The following ZDHHC2 variants were observed in gnomAD, a reference collection of about 807,000 sequenced individuals.
ZDHHC2 encodes the protein zDHHC palmitoyltransferase 2.
Under a neutral mutation model 55.6 loss-of-function variants are expected in ZDHHC2, and 51 were observed. The observed-to-expected ratio is 0.92, with a 90% CI of 0.73 to 1.16. The LOEUF (loss-of-function observed/expected upper bound fraction) is 1.16. Ranked by LOEUF, ZDHHC2 falls within the 50% of genes most tolerant of loss-of-function variation. The pLI is 0.00. For missense variants in ZDHHC2, 491 were observed against 442.4 expected (o/e 1.11, Z -0.99); for synonymous variants, 199 against 152.9 (o/e 1.30, Z -2.22).
intron 1 of ZDHHC2, among the ~76,000 whole-genome samples, chr8:17,161,099 C>G (rs1348377533): frequency 6.6e-6 from 1 of 152,066 alleles, no homozygotes; most frequent in Non-Finnish European, 1.5e-5. Flanking sequence ...AACAAGAAAA[C>G]AAACATCCCT....
intron 10 of ZDHHC2, among the ~76,000 whole-genome samples, chr8:17,212,630 T>A (rs372886937): frequency 6.6e-6 from 1 of 152,204 alleles, no homozygotes; most frequent in East Asian, 1.9e-4. Context: ...GTTTTCTAAC[T>A]GATGTAACAT....
chr8:17,181,451 T>C (rs1199999267), intron 1 of ZDHHC2, among the ~76,000 whole-genome samples: 1 of 152,204 alleles, frequency 6.6e-6, no homozygotes, highest in Non-Finnish European at 1.5e-5. Context: ...TCATTTGCTT[T>C]AGTAAAAACT....
chr8:17,199,500 T>TCTTCG (rs1563161063), intron 6 of ZDHHC2, among the ~76,000 whole-genome samples: 2 of 109,782 alleles, frequency 1.8e-5, no homozygotes, highest in African/African-American at 4.8e-5. Flanking sequence ...CTTCTTCTTC[T>TCTTCG]TCTTCTTCTT....
chr8:17,219,175 A>G (rs1807788413), intron 12 of ZDHHC2, among the ~76,000 whole-genome samples: 1 of 141,474 alleles, frequency 7.1e-6, no homozygotes. Flanking sequence ...GCTTGAACCC[A>G]GAAGGCAGAG....
At chr8:17,211,140 A>C (rs1807365895) in intron 10 of ZDHHC2, among the ~76,000 whole-genome samples, 1 of 152,228 alleles carries the variant, frequency 6.6e-6, no homozygotes, top group Non-Finnish European at 1.5e-5. Flanking sequence ...CCAACTGGCA[A>C]AAGGAAAAGT....
chr8:17,193,551 C>T (rs537229233), intron 3 of ZDHHC2, among the ~76,000 whole-genome samples: 6 of 152,318 alleles, frequency 3.9e-5, no homozygotes, highest in Non-Finnish European at 7.3e-5. Context: ...CCCCCATCTG[C>T]GTTTGCTCAA....
chr8:17,166,478 T>C (rs1804605121), intron 1 of ZDHHC2, among the ~76,000 whole-genome samples: 1 of 152,186 alleles, frequency 6.6e-6, no homozygotes, highest in Non-Finnish European at 1.5e-5. Flanking sequence ...GAGTAAGCAG[T>C]TGCACACATG....
chr8:17,156,814 G>A lies in ZDHHC2; in HGVS notation c.91G>A (p.Gly31Ser). ...GGTGGTGTTCATCACCCTCCTGCTC[G>A]GCTGGTCCTACTACGCCTACGCCAT... ...IPVVFITLLL[G>S]WSYYAYAIQL... The change falls in exon 1 of 13, where the codon GGC becomes AGC. Residue 31 changes from glycine to serine, a missense_variant. Transcript: ENST00000262096. 2 of 1,521,096 alleles carry A rather than the reference G, an allele frequency of 1.3e-6. No homozygotes were observed. The highest frequency in any genetic ancestry group is 1.8e-6 in the Non-Finnish European group (2 of 1,132,990). The allele number at this position is 1,521,096 out of a possible 1,614,324, so 94.2% of individuals were successfully genotyped here.
intron 4 of ZDHHC2, 71 bp downstream of exon 4, chr8:17,195,695 GTT>G (rs1806272143): frequency 6.3e-7 from 1 of 1,575,058 alleles, no homozygotes; most frequent in African/African-American, 1.4e-5. Flanking sequence ...AAGAAAGTGT[GTT>G]TATGTACTTG....
In ZDHHC2 at chr8:17,198,020, G is replaced by A. The variant is rs574394238; in HGVS notation, c.444-361G>A. On this transcript the variant is annotated intron_variant, in intron 5 of 12. Transcript: ENST00000262096. The stretch of plus-strand genomic sequence containing the variant: ...TATACTCCAAGGACAGTATGACTTG[G>A]CATAAGGATTGATATTGAAGGGGAA... Among the ~76,000 whole-genome samples, 55 of 152,294 alleles carry A rather than the reference G, an allele frequency of 3.6e-4. No individual in the cohort carries two copies. In the South Asian group the frequency reaches 0.011, roughly 30 times the overall value.
intron 3 of ZDHHC2, among the ~76,000 whole-genome samples, chr8:17,189,703 C>T (rs1235235839): frequency 6.6e-6 from 1 of 152,118 alleles, no homozygotes; most frequent in Non-Finnish European, 1.5e-5. Flanking sequence ...GTGGATTGGA[C>T]AGAGTGGCAA....
At chr8:17,204,887 T>C (rs1484662858) in intron 6 of ZDHHC2, among the ~76,000 whole-genome samples, 1 of 152,178 alleles carries the variant, frequency 6.6e-6, no homozygotes, top group African/African-American at 2.4e-5. Context: ...TAAAAATGAA[T>C]TGTATTTGTA....
chr8:17,179,083 T>C (rs1013133087), intron 1 of ZDHHC2, among the ~76,000 whole-genome samples: 1 of 152,184 alleles, frequency 6.6e-6, no homozygotes, highest in East Asian at 1.9e-4. Context: ...CCCGAGTAGC[T>C]GGAACCATGG....
intron 9 of ZDHHC2, 109 bp from the exon 10 acceptor site, chr8:17,210,279 T>C (rs1807311022): frequency 8.4e-7 from 1 of 1,187,330 alleles, no homozygotes; most frequent in Non-Finnish European, 1.2e-6. Flanking sequence ...ATACACATTT[T>C]TTTTGCCTAG....
At chr8:17,168,153 C>T (rs1381202429) in intron 1 of ZDHHC2, among the ~76,000 whole-genome samples, 1 of 152,136 alleles carries the variant, frequency 6.6e-6, no homozygotes, top group East Asian at 1.9e-4. Flanking sequence ...CATTCTCTTT[C>T]ATCTATTTCC....
At chr8:17,199,042 A>G (rs1384307777) in intron 6 of ZDHHC2, among the ~76,000 whole-genome samples, 1 of 152,180 alleles carries the variant, frequency 6.6e-6, no homozygotes. Flanking sequence ...TCTGACAGTC[A>G]TGCCCAGGTT....
At chr8:17,160,528 C>T (rs2150874196) in intron 1 of ZDHHC2, among the ~76,000 whole-genome samples, 1 of 152,338 alleles carries the variant, frequency 6.6e-6, no homozygotes, top group East Asian at 1.9e-4. Flanking sequence ...CTCCGAGTTA[C>T]CTAGCGGAGG....
At position 17,159,686 on chromosome 8, in the gene ZDHHC2, G is replaced by A. The variant is rs148331524; in HGVS notation, c.130+2833G>A. Among the ~76,000 whole-genome samples the A allele has an allele frequency of 8.9e-4, 136 of 152,220 alleles. No individual in the cohort carries two copies. The Middle Eastern group carries it at 0.01, about 11-fold the overall frequency. ...GAATATGTGTATATGTAAAATATATGGGATGTACATATATTGTGTGAGAGT... is the reference window on the plus strand; with the variant it reads ...GAATATGTGTATATGTAAAATATATAGGATGTACATATATTGTGTGAGAGT... On this transcript the variant is annotated intron_variant, in intron 1 of 12. Coordinates refer to ENST00000262096, the MANE Select transcript of ZDHHC2 (RefSeq NM_016353.5).
chr8:17,194,317 G>T (rs1453080101), intron 3 of ZDHHC2, among the ~76,000 whole-genome samples: 1 of 145,886 alleles, frequency 6.9e-6, no homozygotes, highest in African/African-American at 2.5e-5. Flanking sequence ...ACATATTTTT[G>T]TATATATACA....
Sources: allele counts gnomAD v4.1 joint callset (sites outside exome capture counted in the v4.1 genomes callset), GRCh38; gene constraint gnomAD v4.1.1; transcripts MANE v1.5; gene names NCBI Gene and HGNC (gene_info 2026-07-23, HGNC 2026-07-21).